ELOVL5: variants seen among roughly 807,000 people sequenced by gnomAD.
ELOVL5 encodes the protein ELOVL fatty acid elongase 5.
A neutral mutation model predicts 38.6 loss-of-function variants in ELOVL5; 8 were observed. The ratio of observed to expected loss-of-function variants is 0.21; its 90% CI spans 0.12 to 0.37. The LOEUF is 0.37. Among genes scored for constraint, ELOVL5 ranks in the 10% least tolerant of loss-of-function variants. The pLI is 1.00. For synonymous variants in ELOVL5, 127 were observed against 133.7 expected, an observed-to-expected ratio of 0.95 and a Z score of 0.34; for missense variants, 280 against 367.8, an observed-to-expected ratio of 0.76 and a Z score of 1.95.
At chr6:53,288,184 C>T (rs1487858598) in intron 3 of ELOVL5, among the ~76,000 whole-genome samples, 1 of 152,056 alleles carries the variant, frequency 6.6e-6, no homozygotes, top group East Asian at 1.9e-4. Flanking sequence ...CCGTTTGGCA[C>T]CATGTATGTA....
At chr6:53,324,334 G>A (rs1768426518) in intron 1 of ELOVL5, among the ~76,000 whole-genome samples, 1 of 151,032 alleles carries the variant, frequency 6.6e-6, no homozygotes, top group African/African-American at 2.4e-5. Context: ...GATTACATAA[G>A]TTTATATAAC....
At chr6:53,303,254 AC>A (rs2127578851) in intron 1 of ELOVL5, among the ~76,000 whole-genome samples, 1 of 152,370 alleles carries the variant, frequency 6.6e-6, no homozygotes, top group East Asian at 1.9e-4. Flanking sequence ...AGATCCAAGT[AC>A]TAACAAGCTT....
At chr6:53,328,863 C>G (rs1217592010) in intron 1 of ELOVL5, among the ~76,000 whole-genome samples, 1 of 152,220 alleles carries the variant, frequency 6.6e-6, no homozygotes, top group Non-Finnish European at 1.5e-5. Context: ...ACTTTAAAAA[C>G]TGACCACTAC....
At chr6:53,273,899 T>TGA (rs1766014312) in intron 5 of ELOVL5, among the ~76,000 whole-genome samples, 1 of 152,202 alleles carries the variant, frequency 6.6e-6, no homozygotes, top group Admixed American at 6.5e-5. Flanking sequence ...TATCACATCA[T>TGA]TTTCAATGTT....
chr6:53,306,751 A>C (rs961989055), intron 1 of ELOVL5, among the ~76,000 whole-genome samples: 1 of 152,222 alleles, frequency 6.6e-6, no homozygotes, highest in African/African-American at 2.4e-5. Flanking sequence ...TTATCATCTT[A>C]AAGCTGCCAA....
intron 3 of ELOVL5, chr6:53,277,139 T>C (rs923064628): frequency 1.3e-5 from 2 of 152,378 alleles, no homozygotes; most frequent in African/African-American, 4.9e-5. Flanking sequence ...CAACACAGAT[T>C]CCCCCCCAGG....
chr6:53,307,157 G>A (rs1767613585), intron 1 of ELOVL5, among the ~76,000 whole-genome samples: 1 of 152,220 alleles, frequency 6.6e-6, no homozygotes, highest in Non-Finnish European at 1.5e-5. Context: ...AGTATTGCTT[G>A]TGAGGAACAG....
chr6:53,296,015 C>T (rs1766985100), intron 1 of ELOVL5, among the ~76,000 whole-genome samples: 1 of 151,964 alleles, frequency 6.6e-6, no homozygotes. Flanking sequence ...AAAAGTGGAA[C>T]TAACTGGAAT....
chr6:53,323,643 C>T (rs1487036881), intron 1 of ELOVL5, among the ~76,000 whole-genome samples: 4 of 119,066 alleles, frequency 3.4e-5, no homozygotes, highest in South Asian at 2.9e-4. Flanking sequence ...AATGCAGTGG[C>T]GTGATCTCGG....
At chr6:53,292,937 G>A (rs1766829799) in intron 2 of ELOVL5, among the ~76,000 whole-genome samples, 1 of 152,198 alleles carries the variant, frequency 6.6e-6, no homozygotes, top group South Asian at 2.1e-4. Context: ...TACTGGTATA[G>A]GAAGGGCCTC....
rs74853594 is a variant in ELOVL5, at chr6:53,335,860, C to T, written c.-9+12957G>A. 5.0e-4 allele frequency among the ~76,000 whole-genome samples: 76 copies of T among 152,200 alleles called. 1 individual carries two copies. The highest frequency in any genetic ancestry group is 1.7e-3 in the African/African-American group (69 of 41,524). On this transcript the variant is annotated intron_variant, in intron 1 of 7. Coordinates refer to ENST00000304434, the MANE Select transcript of ELOVL5 (RefSeq NM_021814.5). ...ACTTCCCATAAAAGAAAGCACCATC[C>T]GCGCTTCTACTTTCTGTTTCTTCTT... is the stretch of plus-strand genomic sequence containing the variant.
chr6:53,343,635 T>C (rs1426288231), intron 1 of ELOVL5, among the ~76,000 whole-genome samples: 1 of 152,180 alleles, frequency 6.6e-6, no homozygotes, highest in Non-Finnish European at 1.5e-5. Flanking sequence ...AAATTTAATC[T>C]TTCATTTTAA....
intron 6 of ELOVL5, 141 bp downstream of exon 6, chr6:53,273,079 C>T (rs1427555982): frequency 2.3e-6 from 2 of 884,906 alleles, no homozygotes; most frequent in African/African-American, 1.7e-5. Context: ...CCCTAATCTA[C>T]CCACTTCAAG....
chr6:53,283,151 C>T (rs937108073), intron 3 of ELOVL5, among the ~76,000 whole-genome samples: 2 of 152,224 alleles, frequency 1.3e-5, no homozygotes, highest in Non-Finnish European at 2.9e-5. Context: ...AACTCTCTCA[C>T]TATAAACACA....
At position 53,323,604 on chromosome 6, in the gene ELOVL5, C is replaced by T. The variant is rs542432410; in HGVS notation, c.-9+25213G>A. On this transcript the variant is annotated intron_variant, in intron 1 of 7. Transcript: ENST00000304434. ...TTTTTTTTTTTTTTTTTTTTTGAGA[C>T]GGAGTTTTGCTCTTGTTGCCCAGGC... 1.2e-3 allele frequency among the ~76,000 whole-genome samples: 67 copies of T among 57,632 alleles called. 1 individual carries two copies. Among genetic ancestry groups the T allele is most frequent in the African/African-American group, 4.7e-3 (59 of 12,430 alleles). 37.8% of individuals were successfully genotyped at this position (57,632 alleles called of 152,430 possible). A position where few individuals can be genotyped will look rare whatever the true frequency, so the allele number is the denominator to read the frequency against.
chr6:53,306,501 T>C (rs1767585984), intron 1 of ELOVL5, among the ~76,000 whole-genome samples: 1 of 92,348 alleles, frequency 1.1e-5, no homozygotes, highest in African/African-American at 1.1e-4. Flanking sequence ...ATACACTTGA[T>C]CTTAAAAACT....
chr6:53,285,655 C>A lies in ELOVL5; in HGVS notation c.246+6121G>T, dbSNP rs978384293. On this transcript the variant is annotated intron_variant, in intron 3 of 7. Transcript: ENST00000304434. ...ATAGGGTTTTACTCTGTCACCCAGG[C>A]TGGAGTGCAGTGGTGTGGTCATAGC... 1.9e-4 allele frequency among the ~76,000 whole-genome samples: 29 copies of A among 152,168 alleles called. 1 individual carries two copies. The highest frequency in any genetic ancestry group is 2.1e-4 in the South Asian group (1 of 4,826).
At chr6:53,311,111 T>C (rs1767811816) in intron 1 of ELOVL5, among the ~76,000 whole-genome samples, 1 of 152,162 alleles carries the variant, frequency 6.6e-6, no homozygotes, top group Non-Finnish European at 1.5e-5. Flanking sequence ...TCAAGTCTGG[T>C]GCTCTGGCAG....
intron 1 of ELOVL5, among the ~76,000 whole-genome samples, chr6:53,322,372 A>G (rs752918813): frequency 2.0e-4 from 30 of 152,230 alleles, no homozygotes; most frequent in African/African-American, 5.3e-4. Context: ...TTTGCTAATC[A>G]GTAGCTGAGT....
Sources: allele counts gnomAD v4.1 joint callset (sites outside exome capture counted in the v4.1 genomes callset), GRCh38; gene constraint gnomAD v4.1.1; transcripts MANE v1.5; gene names NCBI Gene and HGNC (gene_info 2026-07-23, HGNC 2026-07-21).